Variants in PREX1 observed in about 807,000 individuals in gnomAD.
The protein encoded by PREX1 is phosphatidylinositol-3,4,5-trisphosphate dependent Rac exchange factor 1.
PREX1 carries 41 observed loss-of-function variants against 198.3 expected under a neutral mutation model. The ratio of observed to expected loss-of-function variants is 0.21; its 90% CI spans 0.16 to 0.27. The LOEUF is 0.27. Ranked by LOEUF, PREX1 falls within the 10% of genes least tolerant of loss-of-function variation. The probability of loss-of-function intolerance (pLI) is 1.00; values close to 1 mark genes in which losing one functional copy is unlikely to be tolerated. For missense variants in PREX1, 1,620 were observed against 2,200.7 expected (o/e 0.74, Z 5.28); for synonymous variants, 843 against 887.2 (o/e 0.95, Z 0.89).
At chr20:48,651,271 C>T in intron 22 of PREX1, 125 bp downstream of exon 22, 1 of 1,403,784 alleles carries the variant, frequency 7.1e-7, no homozygotes, top group Non-Finnish European at 9.4e-7. Context: ...GAATTCAGGA[C>T]TCCAGGCTAA....
At chr20:48,751,238 G>A (rs943770847) in intron 1 of PREX1, among the ~76,000 whole-genome samples, 1 of 152,184 alleles carries the variant, frequency 6.6e-6, no homozygotes, top group South Asian at 2.1e-4. Context: ...CCTAGAGGAT[G>A]TTTTAACAGG....
At chr20:48,662,203 G>C (rs2089601942) in intron 15 of PREX1, among the ~76,000 whole-genome samples, 1 of 152,120 alleles carries the variant, frequency 6.6e-6, no homozygotes, top group Admixed American at 6.5e-5. Flanking sequence ...CCAGAGCTGG[G>C]GAGCCAGGCA....
At chr20:48,779,661 G>A (rs1372804229) in intron 1 of PREX1, among the ~76,000 whole-genome samples, 2 of 152,112 alleles carry the variant, frequency 1.3e-5, no homozygotes, top group African/African-American at 2.4e-5. Flanking sequence ...AGTACTACTC[G>A]GTAATGAAAA....
chr20:48,667,871 G>A (rs2089649976), intron 14 of PREX1, among the ~76,000 whole-genome samples: 2 of 152,176 alleles, frequency 1.3e-5, no homozygotes, highest in South Asian at 4.1e-4. Context: ...CCTGCCCCAA[G>A]AACATGACAC....
At chr20:48,801,179 T>C (rs2090385107) in intron 1 of PREX1, among the ~76,000 whole-genome samples, 1 of 152,180 alleles carries the variant, frequency 6.6e-6, no homozygotes, top group South Asian at 2.1e-4. Flanking sequence ...AGTAGCAGTA[T>C]TCGTACTGGC....
chr20:48,793,078 G>A (rs909706350), intron 1 of PREX1, among the ~76,000 whole-genome samples: 22 of 152,172 alleles, frequency 1.4e-4, no homozygotes, highest in East Asian at 1.9e-4. Flanking sequence ...GGTGGTATGC[G>A]CCTGTAGTTC....
intron 29 of PREX1, 75 bp downstream of exon 29, chr20:48,642,093 T>A: frequency 1.4e-6 from 2 of 1,469,366 alleles, no homozygotes; most frequent in Non-Finnish European, 9.5e-7. Flanking sequence ...GAGCTGAGCA[T>A]TAGCCCGGGT....
At chr20:48,707,463 C>T (rs1439018747) in intron 6 of PREX1, among the ~76,000 whole-genome samples, 1 of 152,110 alleles carries the variant, frequency 6.6e-6, no homozygotes, top group Non-Finnish European at 1.5e-5. Context: ...TTAGGATTCC[C>T]CAGCACGGAG....
At chr20:48,671,638 C>G (rs1184633108) in intron 14 of PREX1, among the ~76,000 whole-genome samples, 1 of 152,244 alleles carries the variant, frequency 6.6e-6, no homozygotes, top group Admixed American at 6.5e-5. Flanking sequence ...ATGTGTTCTT[C>G]CCACTTTCCT....
the PREX1 span, among the ~76,000 whole-genome samples, chr20:48,871,814 A>G: frequency 1.4e-5 from 2 of 147,684 alleles, no homozygotes; most frequent in South Asian, 4.4e-4. Flanking sequence ...TTTAAACATT[A>G]GAGTCAGGTC....
rs1171830961 is a variant in PREX1, at chr20:48,639,772, C to T, written c.3898G>A (p.Val1300Met). The T allele has an allele frequency of 1.2e-6, 2 of 1,614,052 alleles. No individual in the cohort carries two copies. Among genetic ancestry groups the T allele is most frequent in the South Asian group, 2.2e-5 (2 of 91,066 alleles). Residue 1300 changes from valine (V) to methionine (M), a missense_variant, in exon 30 of 40, where the codon GTG becomes ATG. Val to Met is a conservative substitution (Grantham distance 21). Transcript: ENST00000371941. ...ACCCTCCCTGCCCACCGACCTTCCACATATCTCTGAATGTTGTCCACCAGG... is the reference window on the plus strand; with the variant it reads ...ACCCTCCCTGCCCACCGACCTTCCATATATCTCTGAATGTTGTCCACCAGG... The part of the protein sequence containing the change: ...KTLVDNIQRY[V>M]EDGKNQLLLA...
chr20:48,652,931 G>A (rs549395980), intron 20 of PREX1, among the ~76,000 whole-genome samples: 2 of 152,276 alleles, frequency 1.3e-5, no homozygotes, highest in South Asian at 4.1e-4. Flanking sequence ...TGTGTCCCCA[G>A]GGTCTACAAA....
intron 23 of PREX1, 126 bp from the exon 24 acceptor site, chr20:48,650,332 C>A: frequency 1.1e-6 from 1 of 923,124 alleles, no homozygotes. Context: ...ATGCCAGTAG[C>A]TCCAAATGAG....
chr20:48,670,101 T>C (rs1263600926), intron 14 of PREX1, among the ~76,000 whole-genome samples: 2 of 152,302 alleles, frequency 1.3e-5, no homozygotes, highest in Middle Eastern at 3.4e-3. Flanking sequence ...TGCTCAAGCT[T>C]ACACAGTAAC....
intron 26 of PREX1, among the ~76,000 whole-genome samples, chr20:48,645,331 C>T (rs1044127505): frequency 2.6e-5 from 4 of 152,216 alleles, no homozygotes; most frequent in African/African-American, 9.6e-5. Context: ...AGGAATTAAA[C>T]TTACCCATTA....
At position 48,625,580 on chromosome 20, in the gene PREX1, C is replaced by G. The variant is rs535329507; in HGVS notation, c.*305G>C. 75 of 351,696 alleles carry G rather than the reference C, an allele frequency of 2.1e-4. No individual in the cohort carries two copies. The highest frequency in any genetic ancestry group is 7.7e-4 in the East Asian group (15 of 19,472). The allele number at this position is 351,696 out of a possible 1,614,324, so 21.8% of individuals were successfully genotyped here. On this transcript the variant is annotated 3_prime_UTR_variant, in exon 40 of 40. Coordinates refer to ENST00000371941, the MANE Select transcript of PREX1 (RefSeq NM_020820.4). Reference sequence around the variant, plus strand: ...GGCCTCCATGACGTTCCCTTGGGTTCTGGGGACGCAGGAGCCGAAGGCCAG... The same window carrying G: ...GGCCTCCATGACGTTCCCTTGGGTTGTGGGGACGCAGGAGCCGAAGGCCAG...
chr20:48,851,696 A>T, the PREX1 span, among the ~76,000 whole-genome samples: 1 of 151,956 alleles, frequency 6.6e-6, no homozygotes, highest in Non-Finnish European at 1.5e-5. Context: ...TTTGTTATGC[A>T]TTTGTCCCCG....
chr20:48,794,883 G>A (rs552198884), intron 1 of PREX1, among the ~76,000 whole-genome samples: 1 of 152,206 alleles, frequency 6.6e-6, no homozygotes, highest in Non-Finnish European at 1.5e-5. Flanking sequence ...ACAGAAGCGA[G>A]CCACTGCAGT....
intron 4 of PREX1, among the ~76,000 whole-genome samples, chr20:48,733,281 C>T (rs999194394): frequency 6.6e-6 from 1 of 152,206 alleles, no homozygotes; most frequent in Non-Finnish European, 1.5e-5. Context: ...AAACCAACTG[C>T]TTTAGGGATC....
Sources: allele counts gnomAD v4.1 joint callset (sites outside exome capture counted in the v4.1 genomes callset), GRCh38; gene constraint gnomAD v4.1.1; transcripts MANE v1.5; gene names NCBI Gene and HGNC (gene_info 2026-07-23, HGNC 2026-07-21).